The following RBFOX1 variants were observed in gnomAD, a reference collection of about 807,000 sequenced individuals.
RBFOX1 encodes RNA binding protein fox-1 homolog 1.
A neutral mutation model predicts 57.7 loss-of-function variants in RBFOX1; 8 were observed. The ratio of observed to expected loss-of-function variants is 0.14; its 90% CI spans 0.08 to 0.25. The LOEUF (loss-of-function observed/expected upper bound fraction) is 0.25, where lower values mean the gene tolerates loss of function less well. RBFOX1 is among the 10% of genes least tolerant of loss of function. The pLI is 1.00. For synonymous variants in RBFOX1, 326 were observed against 222.4 expected (o/e 1.47, Z -4.15); for missense variants, 611 against 548.5 (o/e 1.11, Z -1.14).
intron 4 of RBFOX1, among the ~76,000 whole-genome samples, chr16:7,211,461 T>TG (rs1020586653): frequency 3.7e-4 from 56 of 151,418 alleles, no homozygotes; most frequent in African/African-American, 1.3e-3. Context: ...GGCTGGTAGC[T>TG]GTCATAGGGA....
intron 11 of RBFOX1, among the ~76,000 whole-genome samples, chr16:7,653,538 G>T (rs545645273): frequency 2.3e-4 from 35 of 152,176 alleles, no homozygotes; most frequent in Non-Finnish European, 4.4e-4. Context: ...CTCATGCAGT[G>T]AGCTTTTCTC....
At chr16:6,255,369 G>A (rs1432970339) in intron 1 of RBFOX1, among the ~76,000 whole-genome samples, 1 of 152,150 alleles carries the variant, frequency 6.6e-6, no homozygotes, top group Non-Finnish European at 1.5e-5. Context: ...AGATGCGAAA[G>A]GATGGCTGGT....
chr16:7,211,719 G>C (rs1161085013), intron 4 of RBFOX1, among the ~76,000 whole-genome samples: 1 of 152,100 alleles, frequency 6.6e-6, no homozygotes, highest in Admixed American at 6.5e-5. Context: ...TTCCTTTTCA[G>C]CTCTCGTGCC....
At chr16:7,120,856 C>CACAG in intron 4 of RBFOX1, among the ~76,000 whole-genome samples, 1 of 149,576 alleles carries the variant, frequency 6.7e-6, no homozygotes, top group East Asian at 2.0e-4. Flanking sequence ...CACACACACA[C>CACAG]ACATACGTAA....
chr16:6,843,962 G>A (rs538779564), intron 3 of RBFOX1, among the ~76,000 whole-genome samples: 1 of 152,072 alleles, frequency 6.6e-6, no homozygotes, highest in African/African-American at 2.4e-5. Context: ...GGCTTGCTTG[G>A]ATCGTAATGT....
chr16:5,413,217 G>T (rs1260622155), intron 1 of RBFOX1, among the ~76,000 whole-genome samples: 1 of 152,080 alleles, frequency 6.6e-6, no homozygotes, highest in African/African-American at 2.4e-5. Context: ...AAAAAACCTG[G>T]CATTTTCTAC....
chr16:7,575,432 C>G (rs2093239193), intron 5 of RBFOX1, among the ~76,000 whole-genome samples: 1 of 152,086 alleles, frequency 6.6e-6, no homozygotes. Flanking sequence ...CGCACCCGAC[C>G]CTAGTATCGT....
chr16:7,558,383 C>T (rs138608597), intron 5 of RBFOX1, among the ~76,000 whole-genome samples: 41 of 151,820 alleles, frequency 2.7e-4, no homozygotes, highest in South Asian at 4.2e-4. Flanking sequence ...TATATACACG[C>T]GCACACACTC....
intron 4 of RBFOX1, among the ~76,000 whole-genome samples, chr16:7,283,606 C>G (rs1200838299): frequency 6.6e-6 from 1 of 152,146 alleles, no homozygotes; most frequent in Non-Finnish European, 1.5e-5. Flanking sequence ...CTAAACACCA[C>G]TCAGCCTCAC....
At chr16:7,502,999 G>T (rs931063000) in intron 4 of RBFOX1, among the ~76,000 whole-genome samples, 10 of 151,946 alleles carry the variant, frequency 6.6e-5, no homozygotes, top group African/African-American at 1.9e-4. Flanking sequence ...CTCCAGCCTG[G>T]GTGACAGAGC....
chr16:7,026,001 G>A (rs1225575814), intron 3 of RBFOX1, among the ~76,000 whole-genome samples: 2 of 152,156 alleles, frequency 1.3e-5, no homozygotes, highest in Admixed American at 6.5e-5. Flanking sequence ...GGTCATACTG[G>A]GTTTGGGATC....
At chr16:6,656,247 G>C (rs2098650651) in intron 3 of RBFOX1, among the ~76,000 whole-genome samples, 1 of 152,144 alleles carries the variant, frequency 6.6e-6, no homozygotes, top group Admixed American at 6.6e-5. Flanking sequence ...GCTTCCAAAG[G>C]TCATTGGCAT....
intron 3 of RBFOX1, among the ~76,000 whole-genome samples, chr16:6,690,423 G>C (rs2154131972): frequency 6.6e-6 from 1 of 152,172 alleles, no homozygotes. Flanking sequence ...TAAAAAAATG[G>C]AGGGACTATT....
chr16:6,646,780 G>C (rs891200256), intron 2 of RBFOX1, among the ~76,000 whole-genome samples: 3 of 152,056 alleles, frequency 2.0e-5, no homozygotes, highest in Admixed American at 6.5e-5. Context: ...TTTCTGTTTA[G>C]GTTGCTTAGC....
chr16:7,004,693 C>T lies in RBFOX1; in HGVS notation c.-15-47364C>T, dbSNP rs144767017. Among the ~76,000 whole-genome samples, 339 of 152,336 alleles carry T rather than the reference C, an allele frequency of 2.2e-3. 3 individuals are homozygous for T. The highest frequency in any genetic ancestry group is 7.1e-3 in the African/African-American group (294 of 41,576). On this transcript the variant is annotated intron_variant, in intron 3 of 15. Transcript: ENST00000550418. ...ATATAGGGAAAATATACAAAAGCCA[C>T]ATCATAACCAGGAAGATGTATGGTG...
At chr16:5,371,490 C>G (rs1287316957) in intron 1 of RBFOX1, among the ~76,000 whole-genome samples, 1 of 152,188 alleles carries the variant, frequency 6.6e-6, no homozygotes, top group Non-Finnish European at 1.5e-5. Context: ...CAGGACTGTG[C>G]AACACAAATC....
At chr16:7,155,973 G>A (rs1333277128) in intron 4 of RBFOX1, among the ~76,000 whole-genome samples, 1 of 151,000 alleles carries the variant, frequency 6.6e-6, no homozygotes, top group Non-Finnish European at 1.5e-5. Context: ...AAATAACTAT[G>A]TAATATACAG....
chr16:5,994,833 G>A (rs1326241932), intron 4 of RBFOX1, among the ~76,000 whole-genome samples: 1 of 152,130 alleles, frequency 6.6e-6, no homozygotes, highest in East Asian at 1.9e-4. Context: ...GCCTAGCAAA[G>A]GGCCAAGTGC....
Position 6,270,475 on chromosome 16 carries a change from A to C in RBFOX1, c.-126-46520A>C, listed in dbSNP as rs572844020. ...GATTTAAGAGCAAAAAAAAAAAAAA[A>C]CAACTAGAAATAGAGACGATATGTA... On this transcript the variant is annotated intron_variant, in intron 1 of 15. Transcript: ENST00000550418. Among the ~76,000 whole-genome samples, 13 of 148,384 alleles carry C rather than the reference A, an allele frequency of 8.8e-5. No individual in the cohort carries two copies. The South Asian group carries it at 2.8e-3, about 32-fold the overall frequency.
Sources: gnomAD v4.1 joint callset for allele counts (sites outside exome capture counted in the v4.1 genomes callset) on GRCh38, gnomAD v4.1.1 for gene constraint, MANE v1.5 for transcripts, NCBI Gene and HGNC (gene_info 2026-07-23, HGNC 2026-07-21) for gene names.